Variants in WWOX observed in about 807,000 individuals in gnomAD.
The protein encoded by WWOX is WW domain-containing oxidoreductase.
Under a neutral mutation model 46.2 loss-of-function variants are expected in WWOX, and 69 were observed. The observed-to-expected ratio is 1.49, with a 90% CI of 1.23 to 1.82. WWOX has a LOEUF of 1.82. Ranked by LOEUF, WWOX falls within the 40% of genes most tolerant of loss-of-function variation. The pLI, the probability that WWOX is intolerant of heterozygous loss-of-function variation, is 0.00. For missense variants in WWOX, 919 were observed against 542.6 expected, an observed-to-expected ratio of 1.69 and a Z score of -6.89; for synonymous variants, 359 against 202.6, an observed-to-expected ratio of 1.77 and a Z score of -6.56.
At chr16:78,570,369 T>C (rs942108200) in intron 8 of WWOX, among the ~76,000 whole-genome samples, 2 of 152,194 alleles carry the variant, frequency 1.3e-5, no homozygotes, top group East Asian at 3.9e-4. Context: ...AGTGTGGTGG[T>C]GCAATCATAA....
At chr16:78,664,582 A>C (rs2047287586) in intron 8 of WWOX, among the ~76,000 whole-genome samples, 1 of 152,170 alleles carries the variant, frequency 6.6e-6, no homozygotes, top group Non-Finnish European at 1.5e-5. Context: ...AAGAGCTGGC[A>C]GTGTCAAAAC....
intron 8 of WWOX, among the ~76,000 whole-genome samples, chr16:78,915,619 A>G (rs1431992923): frequency 6.6e-6 from 1 of 152,156 alleles, no homozygotes; most frequent in African/African-American, 2.4e-5. Context: ...AATAACAGAC[A>G]GTGTTATCAG....
chr16:79,100,917 C>T (rs374396416), intron 8 of WWOX, among the ~76,000 whole-genome samples: 13 of 151,804 alleles, frequency 8.6e-5, no homozygotes, highest in African/African-American at 1.9e-4. Flanking sequence ...TTGCACCCAA[C>T]GGGGTTTTCT....
intron 8 of WWOX, among the ~76,000 whole-genome samples, chr16:78,567,311 C>A (rs373405126): frequency 6.6e-6 from 1 of 151,508 alleles, no homozygotes. Flanking sequence ...TTTGGGAGGC[C>A]GAGGTGGGTG....
chr16:78,943,468 C>A (rs974255319), intron 8 of WWOX, among the ~76,000 whole-genome samples: 1 of 151,580 alleles, frequency 6.6e-6, no homozygotes, highest in African/African-American at 2.4e-5. Flanking sequence ...GACCCAGGCA[C>A]ATAAACTTGC....
intron 8 of WWOX, among the ~76,000 whole-genome samples, chr16:78,640,159 C>G (rs974741163): frequency 4.1e-5 from 6 of 145,854 alleles, no homozygotes; most frequent in African/African-American, 1.5e-4. Flanking sequence ...TAGAGAGTGT[C>G]TGGAGTTGCC....
intron 5 of WWOX, among the ~76,000 whole-genome samples, chr16:78,364,547 C>G (rs1030023284): frequency 7.3e-6 from 1 of 137,316 alleles, no homozygotes; most frequent in African/African-American, 2.6e-5. Flanking sequence ...CTTTGGGACT[C>G]CGGAAGAAAA....
At chr16:78,828,504 C>T (rs553427637) in intron 8 of WWOX, among the ~76,000 whole-genome samples, 240 of 151,960 alleles carry the variant, frequency 1.6e-3, no homozygotes, top group African/African-American at 5.6e-3. Context: ...CTGCACTGGG[C>T]ATTTTTAAAT....
At chr16:78,436,269 G>A (rs1486362999) in intron 8 of WWOX, among the ~76,000 whole-genome samples, 2 of 152,160 alleles carry the variant, frequency 1.3e-5, no homozygotes, top group African/African-American at 4.8e-5. Flanking sequence ...CTTTGTCCCT[G>A]GCCCCAAAGA....
At chr16:79,012,698 G>C (rs969294551) in intron 8 of WWOX, among the ~76,000 whole-genome samples, 1 of 152,182 alleles carries the variant, frequency 6.6e-6, no homozygotes, top group Non-Finnish European at 1.5e-5. Flanking sequence ...CTATGGAAAG[G>C]GCTGGAAGTT....
intron 8 of WWOX, among the ~76,000 whole-genome samples, chr16:78,864,476 C>G (rs2043958931): frequency 1.3e-5 from 2 of 152,166 alleles, no homozygotes; most frequent in South Asian, 4.1e-4. Flanking sequence ...TCCATGTTGC[C>G]AAGGCTGATC....
chr16:78,499,620 C>T (rs2085009096), intron 8 of WWOX, among the ~76,000 whole-genome samples: 1 of 152,178 alleles, frequency 6.6e-6, no homozygotes, highest in Non-Finnish European at 1.5e-5. Context: ...GTGTAGAGCA[C>T]TAGTTGTACC....
intron 8 of WWOX, among the ~76,000 whole-genome samples, chr16:78,493,321 A>G (rs2084831616): frequency 1.3e-5 from 2 of 152,206 alleles, no homozygotes; most frequent in African/African-American, 4.8e-5. Context: ...ATTTGGGTCC[A>G]GAAGCTTCCC....
intron 8 of WWOX, among the ~76,000 whole-genome samples, chr16:78,472,760 G>T (rs1482957750): frequency 7.7e-6 from 1 of 129,218 alleles, no homozygotes; most frequent in South Asian, 2.5e-4. Flanking sequence ...AGTGAGCCGA[G>T]ATCTTGCCAT....
At chr16:78,505,088 C>T (rs185750344) in intron 8 of WWOX, among the ~76,000 whole-genome samples, 2 of 152,018 alleles carry the variant, frequency 1.3e-5, no homozygotes, top group Non-Finnish European at 2.9e-5. Context: ...TCTGAGCCGC[C>T]GAAGCACAAT....
chr16:79,209,459 A>G (rs527688717), intron 8 of WWOX, among the ~76,000 whole-genome samples: 1 of 152,340 alleles, frequency 6.6e-6, no homozygotes, highest in African/African-American at 2.4e-5. Context: ...GAACAGTGAA[A>G]GGCCAGTCTG....
intron 8 of WWOX, among the ~76,000 whole-genome samples, chr16:78,575,022 A>AT (rs2044824547): frequency 6.3e-3 from 88 of 14,000 alleles, no homozygotes; most frequent in Non-Finnish European, 9.5e-3. Flanking sequence ...TATATATATA[A>AT]ATATATATAT....
intron 8 of WWOX, among the ~76,000 whole-genome samples, chr16:78,605,206 T>A (rs1172615556): frequency 6.6e-6 from 1 of 151,626 alleles, no homozygotes; most frequent in Non-Finnish European, 1.5e-5. Context: ...TGCCACTTCA[T>A]GATATTTGAT....
rs188461706 is a variant in WWOX, at chr16:78,970,056, C to G, written c.1057-241552C>G. Among the ~76,000 whole-genome samples the G allele has an allele frequency of 1.1e-4, 16 of 152,264 alleles. No individual in the cohort carries two copies. In the East Asian group the frequency reaches 3.1e-3, roughly 29 times the overall value. The stretch of plus-strand genomic sequence containing the variant: ...ATTGTATGAAAACTGTGATGGGATT[C>G]AAGTAGTCTAACGCTCAAATTTCCC... On this transcript the variant is annotated intron_variant, in intron 8 of 8. Coordinates refer to ENST00000566780, the MANE Select transcript of WWOX (RefSeq NM_016373.4).
Sources: allele counts gnomAD v4.1 joint callset (sites outside exome capture counted in the v4.1 genomes callset), GRCh38; gene constraint gnomAD v4.1.1; transcripts MANE v1.5; gene names NCBI Gene and HGNC (gene_info 2026-07-23, HGNC 2026-07-21).